The following ATP1B4 variants were observed in gnomAD, a reference collection of about 807,000 sequenced individuals.
ATP1B4 encodes ATPase Na+/K+ transporting family member beta 4.
ATP1B4 carries 32 observed loss-of-function variants against 29.6 expected under a neutral mutation model. That is an observed-to-expected ratio of 1.08 (90% CI 0.82 to 1.45). ATP1B4 has a LOEUF of 1.45. Among genes scored for constraint, ATP1B4 ranks in the 40% most tolerant of loss-of-function variants. The pLI is 0.00. For missense variants in ATP1B4, 323 were observed against 276.2 expected, an observed-to-expected ratio of 1.17 and a Z score of -1.20; for synonymous variants, 127 against 102.1, an observed-to-expected ratio of 1.24 and a Z score of -1.47.
At position 120,363,400 on chromosome X, in the gene ATP1B4, G is replaced by C. The variant is rs181094144; in HGVS notation, c.63+1169G>C. 5.2e-4 allele frequency among the ~76,000 whole-genome samples: 59 copies of C among 112,445 alleles called. No homozygotes were observed. In the East Asian group the frequency reaches 0.012, roughly 23 times the overall value. Reference sequence around the variant, plus strand: ...CTTGCCTTCTTTTCTATGTAATCTTGTTAAAATGTTGTGTATAATTTCAGT... The same window carrying C: ...CTTGCCTTCTTTTCTATGTAATCTTCTTAAAATGTTGTGTATAATTTCAGT... On this transcript the variant is annotated intron_variant, in intron 1 of 7. Transcript: ENST00000218008.
Position 120,379,835 on chromosome X carries a change from GACAA to G in ATP1B4, c.*205_*208del, listed in dbSNP as rs1158009445. The G allele has an allele frequency of 8.3e-6, 3 of 361,750 alleles. No homozygotes were observed. The highest frequency in any genetic ancestry group is 9.2e-5 in the East Asian group (2 of 21,628). The allele number at this position is 361,750 out of a possible 1,213,427, so 29.8% of individuals were successfully genotyped here. On this transcript the variant is annotated 3_prime_UTR_variant, in exon 8 of 8. Transcript: ENST00000218008. ...TTTTTTAAAGGTAGTGTCTCCTGAT[GACAA>G]ACAGAGTATATTAATTTCCTTTCCC...
chrX:120,376,691 C>T (rs2058358256), intron 6 of ATP1B4, among the ~76,000 whole-genome samples: 1 of 111,943 alleles, frequency 8.9e-6, no homozygotes. Context: ...TTCTGAAAAC[C>T]AAAGACTGAA....
intron 6 of ATP1B4, 48 bp downstream of exon 6, chrX:120,376,484 A>G: frequency 9.1e-7 from 1 of 1,096,679 alleles, no homozygotes. Context: ...TGTTTCATGC[A>G]AAAAGGTAGT....
chrX:120,374,865 A>C (rs1230722804), intron 4 of ATP1B4, among the ~76,000 whole-genome samples: 3 of 82,504 alleles, frequency 3.6e-5, no homozygotes, highest in African/African-American at 4.6e-5. Context: ...ATTATATATA[A>C]GGGTATATAT....
intron 4 of ATP1B4, among the ~76,000 whole-genome samples, chrX:120,374,560 A>AATATATATATACCCTTATATATAAT (rs2058331932): frequency 3.4e-5 from 1 of 29,546 alleles, no homozygotes; most frequent in East Asian, 1.5e-3. Context: ...CCTTATATAT[A>AATATATATATACCCTTATATATAAT]ATATATATAT....
In ATP1B4 at chrX:120,367,293, A is replaced by G. The variant is rs749857376; in HGVS notation, c.328+504A>G. On this transcript the variant is annotated intron_variant, in intron 2 of 7. Transcript: ENST00000218008. ...AAATGAGACTCAAATCCCTGCTAAC[A>G]TGACCAAGTGTTTTTATGAGGCCCC... Among the ~76,000 whole-genome samples the G allele has an allele frequency of 1.9e-4, 21 of 112,226 alleles. No homozygotes were observed. The South Asian group carries it at 7.9e-3, about 42-fold the overall frequency.
At chrX:120,375,654 C>G in intron 5 of ATP1B4, 86 bp downstream of exon 5, 1 of 801,796 alleles carries the variant, frequency 1.2e-6, no homozygotes, top group Non-Finnish European at 1.8e-6. Context: ...TGGTCTCTGT[C>G]TTCACACACC....
chrX:120,363,919 G>A (rs1374822210), intron 1 of ATP1B4, among the ~76,000 whole-genome samples: 1 of 112,110 alleles, frequency 8.9e-6, no homozygotes, highest in African/African-American at 3.2e-5. Flanking sequence ...TAATTAATGA[G>A]GATCTTTTGG....
rs1161979530 is a variant in ATP1B4, at chrX:120,374,634, A to T, written c.563-738A>T. Among the ~76,000 whole-genome samples the T allele has an allele frequency of 2.0e-4, 7 of 34,788 alleles. No homozygotes were observed. The South Asian group carries it at 8.3e-3, about 41-fold the overall frequency. The allele number at this position is 34,788 out of a possible 115,157, so 30.2% of individuals were successfully genotyped here. A position where few individuals can be genotyped will look rare whatever the true frequency, so the allele number is the denominator to read the frequency against. ...ATATATATACCCTTATATATAATAT[A>T]ATATTATATTATATATATATAATAT... On this transcript the variant is annotated intron_variant, in intron 4 of 7. Transcript: ENST00000218008.
rs755350359 is a variant in ATP1B4, at chrX:120,375,274, C to G, written c.563-98C>G. 2.6e-5 allele frequency: 20 copies of G among 775,911 alleles called. No individual in the cohort carries two copies. The East Asian group carries it at 4.9e-4, about 19-fold the overall frequency. The allele number at this position is 775,911 out of a possible 1,213,427, so 63.9% of individuals were successfully genotyped here. A position where few individuals can be genotyped will look rare whatever the true frequency, so the allele number is the denominator to read the frequency against. ...GGGCTTTCAGAGGAGTACAAACAAG[C>G]TGGAGAAAGGAAACTTGGGAGGGAG... On this transcript the variant is annotated intron_variant, in intron 4 of 7. Transcript: ENST00000218008.
At chrX:120,375,283 G>T (rs2058346758) in intron 4 of ATP1B4, 89 bp from the exon 5 acceptor site, 2 of 841,874 alleles carry the variant, frequency 2.4e-6, no homozygotes, top group South Asian at 5.0e-5. Flanking sequence ...GCTGGAGAAA[G>T]GAAACTTGGG....
At chrX:120,374,592 ATACCC>A (rs2058332652) in intron 4 of ATP1B4, among the ~76,000 whole-genome samples, 1 of 46,490 alleles carries the variant, frequency 2.2e-5, no homozygotes, top group African/African-American at 8.0e-5. Context: ...TAATATATAT[ATACCC>A]TTATATATAA....
chrX:120,382,803 C>T lies in ATP1B4; in HGVS notation c.*3169C>T, dbSNP rs2058386347. The T allele has an allele frequency of 8.9e-6, 1 of 112,032 alleles. No individual in the cohort carries two copies. Among genetic ancestry groups the T allele is most frequent in the Admixed American group, 9.5e-5 (1 of 10,578 alleles). The allele number at this position is 112,032 out of a possible 1,213,427, so 9.2% of individuals were successfully genotyped here. ...CTTTCAATGGAATCCATTGTGTCCA[C>T]AATTGCAAAGCAATATTGAAGGGTA... is the stretch of plus-strand genomic sequence containing the variant. On this transcript the variant is annotated 3_prime_UTR_variant, in exon 8 of 8. Coordinates refer to ENST00000218008, the MANE Select transcript of ATP1B4 (RefSeq NM_001142447.3).
intron 4 of ATP1B4, 96 bp from the exon 5 acceptor site, chrX:120,375,275 TG>T: frequency 2.5e-6 from 2 of 784,483 alleles, no homozygotes; most frequent in Non-Finnish European, 3.7e-6. Context: ...ACAAACAAGC[TG>T]GAGAAAGGAA....
At chrX:120,373,683 G>A (rs1386267874) in intron 4 of ATP1B4, among the ~76,000 whole-genome samples, 1 of 112,071 alleles carries the variant, frequency 8.9e-6, no homozygotes, top group Non-Finnish European at 1.9e-5. Flanking sequence ...CTTTCTCCCT[G>A]ATATATGTAT....
intron 4 of ATP1B4, 124 bp downstream of exon 4, chrX:120,371,334 C>T (rs898097824): frequency 3.5e-5 from 18 of 518,301 alleles, no homozygotes; most frequent in Non-Finnish European, 6.0e-5. Flanking sequence ...ATGGTCTGTC[C>T]TTACTTTGCA....
chrX:120,375,109 C>A (rs1186794223), intron 4 of ATP1B4, among the ~76,000 whole-genome samples: 2 of 108,736 alleles, frequency 1.8e-5, no homozygotes. Context: ...AGATGGATAT[C>A]CAGAAGTTCC....
intron 6 of ATP1B4, among the ~76,000 whole-genome samples, chrX:120,377,475 G>A (rs867696691): frequency 1.8e-5 from 2 of 111,824 alleles, no homozygotes; most frequent in Non-Finnish European, 3.8e-5. Context: ...CAAACTATCC[G>A]AACTGATTCC....
chrX:120,366,691 C>G lies in ATP1B4; in HGVS notation c.230C>G (p.Pro77Arg). ...EKEEEEGQGQPTGNAWWQKLQ... is the reference protein window; with the variant it reads ...EKEEEEGQGQRTGNAWWQKLQ... ...GAGGAGGAAGAGGGTCAAGGTCAGC[C>G]AACAGGCAATGCCTGGTGGCAGAAA... The change falls in exon 2 of 8, where the codon CCA becomes CGA. Residue 77 changes from proline to arginine, a missense_variant. Physicochemically the swap from Pro to Arg is moderately radical, Grantham distance 103. Coordinates refer to ENST00000218008, the MANE Select transcript of ATP1B4 (RefSeq NM_001142447.3). 8.3e-7 allele frequency: 1 copy of G among 1,211,140 alleles called. No individual in the cohort carries two copies. Among genetic ancestry groups the G allele is most frequent in the Non-Finnish European group, 1.1e-6 (1 of 895,285 alleles).
Sources: allele counts gnomAD v4.1 joint callset (sites outside exome capture counted in the v4.1 genomes callset), GRCh38; gene constraint gnomAD v4.1.1; transcripts MANE v1.5; gene names NCBI Gene and HGNC (gene_info 2026-07-23, HGNC 2026-07-21).